RASAL1: variants seen among roughly 807,000 people sequenced by gnomAD.
RASAL1 encodes the protein rasGAP-activating-like protein 1.
In RASAL1, 72 loss-of-function variants were observed where a neutral mutation model predicts 96.6. That is an observed-to-expected ratio of 0.75 (90% confidence interval 0.62 to 0.91). The LOEUF is 0.91. Ranked by LOEUF, RASAL1 falls within the 40% of genes least tolerant of loss-of-function variation. RASAL1 has a pLI of 0.00. For synonymous variants in RASAL1, 405 were observed against 430.4 expected (o/e 0.94, Z 0.73); for missense variants, 1,016 against 1,072.5 (o/e 0.95, Z 0.74).
chr12:113,109,752 A>C (rs903567523), intron 13 of RASAL1, among the ~76,000 whole-genome samples: 4 of 152,182 alleles, frequency 2.6e-5, no homozygotes, highest in African/African-American at 9.6e-5. Flanking sequence ...AGAACTGCCC[A>C]GAGGGAGCAT....
At chr12:113,109,825 A>C (rs544290306) in intron 13 of RASAL1, among the ~76,000 whole-genome samples, 31 of 152,270 alleles carry the variant, frequency 2.0e-4, no homozygotes, top group Non-Finnish European at 3.1e-4. Flanking sequence ...CTGTCCCACC[A>C]CTACCCCACT....
At position 113,135,686 on chromosome 12, in the gene RASAL1, C is replaced by T; in HGVS notation, c.-224G>A. 4.2e-6 allele frequency: 2 copies of T among 480,314 alleles called. No homozygotes were observed. Among genetic ancestry groups the T allele is most frequent in the Non-Finnish European group, 3.7e-6 (1 of 266,776 alleles). 29.8% of individuals were successfully genotyped at this position (480,314 alleles called of 1,614,324 possible). A position where few individuals can be genotyped will look rare whatever the true frequency, so the allele number is the denominator to read the frequency against. ...GGACTCTACAGGTAGGAGCCGTGCTCCGAGCAGGAGGAGCGCGCAGGGGGC... is the reference window on the plus strand; with the variant it reads ...GGACTCTACAGGTAGGAGCCGTGCTTCGAGCAGGAGGAGCGCGCAGGGGGC... On this transcript the variant is annotated 5_prime_UTR_variant, in exon 1 of 21. Coordinates refer to ENST00000548055, the MANE Select transcript of RASAL1 (RefSeq NM_001301202.2). This position sits in a 1 kb window ranked among gnomAD's most constrained non-coding sequence, Gnocchi z 5.7.
chr12:113,115,920 C>A lies in RASAL1; in HGVS notation c.849+14G>T. On this transcript the variant is annotated intron_variant, in intron 9 of 20. Transcript: ENST00000548055. The surrounding 1 kb of genome is among the most constrained non-coding windows in gnomAD (Gnocchi z 4.1). Reference sequence around the variant, plus strand: ...GGCACCCGCCTGATAGCATTGCTTGCCTGACGCACCCACCTCTGCTGGCCC... The same window carrying A: ...GGCACCCGCCTGATAGCATTGCTTGACTGACGCACCCACCTCTGCTGGCCC... 6.3e-7 allele frequency: 1 copy of A among 1,583,316 alleles called. No homozygotes were observed. Among genetic ancestry groups the A allele is most frequent in the Admixed American group, 1.8e-5 (1 of 56,712 alleles).
At chr12:113,117,742 A>G (rs1284882) in intron 7 of RASAL1, among the ~76,000 whole-genome samples, 144,689 of 152,266 alleles carry the variant, frequency 0.95, 68,840 homozygotes, top group Admixed American at 0.98. Context: ...CCAGCCCCTG[A>G]CAACCACGAA....
intron 7 of RASAL1, among the ~76,000 whole-genome samples, chr12:113,118,200 G>A (rs1443559279): frequency 6.6e-6 from 1 of 151,970 alleles, no homozygotes; most frequent in East Asian, 1.9e-4. Context: ...CTCCAGCCTG[G>A]GCAATAGAGG....
intron 4 of RASAL1, 146 bp from the exon 5 acceptor site, chr12:113,121,784 C>T (rs975071518): frequency 2.1e-6 from 2 of 939,038 alleles, no homozygotes; most frequent in Non-Finnish European, 3.1e-6. Flanking sequence ...TGCAGTGGCA[C>T]AATTTTGGCT....
chr12:113,106,294 G>T (rs1950644594), intron 15 of RASAL1, among the ~76,000 whole-genome samples: 2 of 152,170 alleles, frequency 1.3e-5, no homozygotes, highest in South Asian at 4.1e-4. Context: ...GTTCTGACAG[G>T]TTGCTTCAAT....
intron 14 of RASAL1, 115 bp downstream of exon 14, chr12:113,107,970 G>T: frequency 1.7e-6 from 2 of 1,207,034 alleles, no homozygotes; most frequent in Non-Finnish European, 2.3e-6. Context: ...TTTCAGACTT[G>T]GGTTTCTTCG....
chr12:113,104,626 C>T (rs543775550), intron 16 of RASAL1, among the ~76,000 whole-genome samples: 7 of 152,292 alleles, frequency 4.6e-5, no homozygotes, highest in Admixed American at 2.0e-4. Context: ...CTCAGCCTCC[C>T]AAGTAGCTGG....
chr12:113,104,399 C>G, intron 16 of RASAL1, 101 bp from the exon 17 acceptor site: 1 of 1,225,656 alleles, frequency 8.2e-7, no homozygotes. Context: ...CAGTTCCCAG[C>G]GGCGGGACAT....
chr12:113,119,105 G>A lies in RASAL1; in HGVS notation c.642+23C>T, dbSNP rs1043118544. On this transcript the variant is annotated intron_variant, in intron 7 of 20. Coordinates refer to ENST00000548055, the MANE Select transcript of RASAL1 (RefSeq NM_001301202.2). ...TGGAGGCACTGGGGAGCCATGGAGG[G>A]TATTGTAGGGAATGAGGCTCACCAT... 15 of 1,583,078 alleles carry A rather than the reference G, an allele frequency of 9.5e-6. No individual in the cohort carries two copies. In the Admixed American group the frequency reaches 1.4e-4, roughly 15 times the overall value.
chr12:113,104,422 G>C (rs1950574023), intron 16 of RASAL1, 124 bp from the exon 17 acceptor site: 1 of 933,068 alleles, frequency 1.1e-6, no homozygotes, highest in African/African-American at 1.6e-5. Context: ...AACCCTGTAA[G>C]TCTGTGCTCT....
rs971556544 is a variant in RASAL1, at chr12:113,130,509, A to G, written c.122+376T>C. Reference sequence around the variant, plus strand: ...CAAGCAGGCCCAGCTGGGCGGGTGCACACACAGACACACATGCACATGCCC... The same window carrying G: ...CAAGCAGGCCCAGCTGGGCGGGTGCGCACACAGACACACATGCACATGCCC... On this transcript the variant is annotated intron_variant, in intron 2 of 20. Coordinates refer to ENST00000548055, the MANE Select transcript of RASAL1 (RefSeq NM_001301202.2). The surrounding 1 kb of genome is among the most constrained non-coding windows in gnomAD (Gnocchi z 5.1). Among the ~76,000 whole-genome samples the G allele has an allele frequency of 6.6e-6, 1 of 151,984 alleles. No individual in the cohort carries two copies. Among genetic ancestry groups the G allele is most frequent in the African/African-American group, 2.4e-5 (1 of 41,368 alleles).
chr12:113,117,650 G>A (rs902823763), intron 7 of RASAL1, among the ~76,000 whole-genome samples: 13 of 152,056 alleles, frequency 8.5e-5, no homozygotes, highest in Admixed American at 6.5e-4. Flanking sequence ...CAGACTTACC[G>A]CAATTAGTTG....
At chr12:113,116,168 G>T in intron 8 of RASAL1, 117 bp from the exon 9 acceptor site, 1 of 743,680 alleles carries the variant, frequency 1.3e-6, no homozygotes, top group South Asian at 2.2e-5. Context: ...TCAGCAGTTT[G>T]TGACCAGCCT....
chr12:113,119,540 C>T (rs1288685997), intron 5 of RASAL1, 97 bp from the exon 6 acceptor site: 6 of 1,210,560 alleles, frequency 5.0e-6, no homozygotes, highest in Non-Finnish European at 7.1e-6. Context: ...CGCTGGTTTC[C>T]AAGGCAACAA....
chr12:113,116,586 TAAAC>T (rs746506448), intron 8 of RASAL1, among the ~76,000 whole-genome samples: 14 of 152,036 alleles, frequency 9.2e-5, no homozygotes, highest in Non-Finnish European at 2.1e-4. Flanking sequence ...ACAAACAACA[TAAAC>T]AGGCAGGTGT....
Position 113,130,979 on chromosome 12 carries a change from G to C in RASAL1, c.66-38C>G, listed in dbSNP as rs1951685709. On this transcript the variant is annotated intron_variant, in intron 1 of 20. Transcript: ENST00000548055. This position sits in a 1 kb window ranked among gnomAD's most constrained non-coding sequence, Gnocchi z 5.1. Reference sequence around the variant, plus strand: ...GGAGTTCAGGGAGGAAGCAGGTTGAGAGGGCAGCCATGAGTGGAGGGTCCC... The same window carrying C: ...GGAGTTCAGGGAGGAAGCAGGTTGACAGGGCAGCCATGAGTGGAGGGTCCC... The C allele has an allele frequency of 1.3e-6, 2 of 1,562,264 alleles. No individual in the cohort carries two copies. Among genetic ancestry groups the C allele is most frequent in the Non-Finnish European group, 1.8e-6 (2 of 1,135,818 alleles).
At position 113,099,963 on chromosome 12, in the gene RASAL1, C is replaced by G. The variant is rs371604812; in HGVS notation, c.2384G>C (p.Arg795Pro). 2 of 1,613,460 alleles carry G rather than the reference C, an allele frequency of 1.2e-6. No homozygotes were observed. The highest frequency in any genetic ancestry group is 2.2e-5 in the East Asian group (1 of 44,878). Residue 795 changes from arginine (R) to proline (P), a missense_variant, in exon 21 of 21, where the codon CGA becomes CCA. Physicochemically the swap from Arg to Pro is moderately radical, Grantham distance 103. Transcript: ENST00000548055. Reference protein sequence around the residue: ...RAHEEFQQQERGKAALGPLGP With the variant: ...RAHEEFQQQEPGKAALGPLGP ...AAGGGGGCCCAGGGCCGCCTTCCCTCGCTCCTGCTGCTGGAACTCCTCGTG... is the reference window on the plus strand; with the variant it reads ...AAGGGGGCCCAGGGCCGCCTTCCCTGGCTCCTGCTGCTGGAACTCCTCGTG...
Sources: gnomAD v4.1 joint callset for allele counts (sites outside exome capture counted in the v4.1 genomes callset) on GRCh38, gnomAD v4.1.1 for gene constraint, Gnocchi (gnomAD v3.1) non-coding constraint, MANE v1.5 for transcripts, NCBI Gene and HGNC (gene_info 2026-07-23, HGNC 2026-07-21) for gene names.